Variants in PCDHA3 observed in about 807,000 individuals in gnomAD.
The protein encoded by PCDHA3 is protocadherin alpha-3.
Under a neutral mutation model 62.2 loss-of-function variants are expected in PCDHA3, and 41 were observed. The observed-to-expected ratio is 0.66, with a 90% CI of 0.51 to 0.86. The LOEUF (loss-of-function observed/expected upper bound fraction) is 0.86. Among genes scored for constraint, PCDHA3 ranks in the 40% least tolerant of loss-of-function variants. The probability of loss-of-function intolerance (pLI) is 0.00; values close to 1 mark genes in which losing one functional copy is unlikely to be tolerated. For synonymous variants in PCDHA3, 640 were observed against 555.4 expected (o/e 1.15, Z -2.14); for missense variants, 1,304 against 1,241.2 (o/e 1.05, Z -0.76).
intron 1 of PCDHA3, chr5:140,827,917 G>T: frequency 1.1e-6 from 1 of 901,262 alleles, no homozygotes; most frequent in East Asian, 2.4e-5. Context: ...TGATGTCGCT[G>T]TCTACCATGA....
chr5:140,873,030 C>T (rs251373), intron 1 of PCDHA3, among the ~76,000 whole-genome samples: 67,234 of 151,934 alleles, frequency 0.44, 15,336 homozygotes, highest in South Asian at 0.58. Context: ...TCTTACTACA[C>T]GTAGAGTGGT....
chr5:140,852,638 T>C lies in PCDHA3; in HGVS notation c.2394+49047T>C. 5 of 960,950 alleles carry C rather than the reference T, an allele frequency of 5.2e-6. 1 individual carries two copies. Among genetic ancestry groups the C allele is most frequent in the Non-Finnish European group, 6.3e-6 (5 of 795,190 alleles). The allele number at this position is 960,950 out of a possible 1,614,324, so 59.5% of individuals were successfully genotyped here. On this transcript the variant is annotated intron_variant, in intron 1 of 3. Coordinates refer to ENST00000522353, the MANE Select transcript of PCDHA3 (RefSeq NM_018906.3). ...TTGAGTGGTCTCTGAGCTCCTGTCA[T>C]TAAACCTATCTATATCTGTCTATCA...
At chr5:140,871,313 C>T (rs371295919) in intron 1 of PCDHA3, 2 of 1,614,042 alleles carry the variant, frequency 1.2e-6, no homozygotes, top group Non-Finnish European at 1.7e-6. Flanking sequence ...GGGAAGCCCA[C>T]GCTGGTGTGC....
chr5:140,957,188 C>A (rs374236292), intron 1 of PCDHA3, among the ~76,000 whole-genome samples: 1 of 151,992 alleles, frequency 6.6e-6, no homozygotes, highest in Middle Eastern at 3.4e-3. Flanking sequence ...TATTGATGAC[C>A]GATTGGGAAT....
At chr5:140,941,191 T>TTTTCTTTCTTTCTTTC (rs1217097209) in intron 1 of PCDHA3, among the ~76,000 whole-genome samples, 1 of 93,206 alleles carries the variant, frequency 1.1e-5, no homozygotes, top group Admixed American at 1.2e-4. Flanking sequence ...GCTTCTTTTT[T>TTTTCTTTCTTTCTTTC]TTTCTTTCTT....
intron 1 of PCDHA3, chr5:140,849,696 T>C (rs2150445431): frequency 6.3e-7 from 1 of 1,598,686 alleles, no homozygotes; most frequent in South Asian, 1.1e-5. Context: ...GGTGTCCACC[T>C]ACAAGAATTA....
In PCDHA3 at chr5:140,883,616, G is replaced by GACAAC; in HGVS notation, c.2394+80026_2394+80030dup. On this transcript the variant is annotated intron_variant, in intron 1 of 3. Coordinates refer to ENST00000522353, the MANE Select transcript of PCDHA3 (RefSeq NM_018906.3). ...GTCGGTGGGGGTGGCCGACGTGAAC[G>GACAAC]ACAACGCGCCGGCGTTCGCGCAGCC... The GACAAC allele has an allele frequency of 3.1e-6, 5 of 1,614,014 alleles. No homozygotes were observed. The South Asian group carries it at 5.5e-5, about 18-fold the overall frequency.
chr5:140,969,630 A>G (rs1185557414), intron 1 of PCDHA3: 1 of 654,766 alleles, frequency 1.5e-6, no homozygotes, highest in Non-Finnish European at 2.5e-6. Flanking sequence ...GAAACAGGAC[A>G]GGCCTTGGAA....
At chr5:140,920,084 T>C (rs2079442648) in intron 1 of PCDHA3, among the ~76,000 whole-genome samples, 1 of 152,196 alleles carries the variant, frequency 6.6e-6, no homozygotes, top group Non-Finnish European at 1.5e-5. Context: ...AGATTCTCCG[T>C]AGAGCCTCTA....
intron 1 of PCDHA3, among the ~76,000 whole-genome samples, chr5:140,959,620 G>GA (rs1247214459): frequency 4.6e-5 from 7 of 151,966 alleles, no homozygotes; most frequent in African/African-American, 1.4e-4. Context: ...GCTTGTGATA[G>GA]AAAAAAAGAG....
At chr5:140,858,160 G>T in intron 1 of PCDHA3, 1 of 1,597,718 alleles carries the variant, frequency 6.3e-7, no homozygotes, top group Non-Finnish European at 8.6e-7. Context: ...CCATCTGCGC[G>T]GTGTCCAGCT....
intron 1 of PCDHA3, chr5:140,807,073 C>T: frequency 8.4e-7 from 1 of 1,196,448 alleles, no homozygotes. Flanking sequence ...GAACCATATA[C>T]ACTCTTTGGA....
At chr5:140,901,340 T>G (rs1306421981) in intron 1 of PCDHA3, among the ~76,000 whole-genome samples, 1 of 152,206 alleles carries the variant, frequency 6.6e-6, no homozygotes, top group Non-Finnish European at 1.5e-5. Context: ...CGTTTTATAG[T>G]TTGATGTCTT....
intron 1 of PCDHA3, chr5:140,868,074 T>C (rs1554161742): frequency 6.6e-6 from 1 of 152,138 alleles, no homozygotes; most frequent in Non-Finnish European, 1.5e-5. Context: ...AGGGTGATTT[T>C]ATTTATTTTA....
In PCDHA3 at chr5:140,972,316, G is replaced by GT. The variant is rs112435719; in HGVS notation, c.2395-6621dup. On this transcript the variant is annotated intron_variant, in intron 1 of 3. Coordinates refer to ENST00000522353, the MANE Select transcript of PCDHA3 (RefSeq NM_018906.3). ...CACCGTGTCTGACTAGTTTTTAGGT[G>GT]TTTTTTTTTTTTGGAAGAGATGGGG... 6.7e-3 allele frequency among the ~76,000 whole-genome samples: 929 copies of GT among 139,652 alleles called. 6 individuals carry two copies. The highest frequency in any genetic ancestry group is 0.017 in the African/African-American group (645 of 38,294). The allele number at this position is 139,652 out of a possible 152,430, so 91.6% of individuals were successfully genotyped here.
intron 1 of PCDHA3, among the ~76,000 whole-genome samples, chr5:140,887,550 TACTG>T (rs2061493394): frequency 1.3e-5 from 2 of 152,206 alleles, no homozygotes; most frequent in Non-Finnish European, 2.9e-5. Flanking sequence ...CCCTCATGGT[TACTG>T]TTAAAACTTT....
At chr5:140,809,080 C>T in intron 1 of PCDHA3, 2 of 1,613,954 alleles carry the variant, frequency 1.2e-6, no homozygotes, top group Admixed American at 1.7e-5. Flanking sequence ...CTGGCGAGAT[C>T]AGCACAACGC....
At chr5:140,829,500 CG>C (rs1562307699) in intron 1 of PCDHA3, 1 of 1,613,600 alleles carries the variant, frequency 6.2e-7, no homozygotes, top group African/African-American at 1.3e-5. Context: ...AACAACCCGC[CG>C]GGCTGCCACA....
Position 140,881,345 on chromosome 5 carries a change from T to A in PCDHA3, c.2394+77754T>A, listed in dbSNP as rs2058675594. The A allele has an allele frequency of 4.1e-6, 4 of 985,136 alleles. No individual in the cohort carries two copies. In the African/African-American group the frequency reaches 7.0e-5, roughly 17 times the overall value. The allele number at this position is 985,136 out of a possible 1,614,324, so 61.0% of individuals were successfully genotyped here. A position where few individuals can be genotyped will look rare whatever the true frequency, so the allele number is the denominator to read the frequency against. On this transcript the variant is annotated intron_variant, in intron 1 of 3. Transcript: ENST00000522353. ...ATTTAACCAGGACGCCGATTCGGGC[T>A]ACAATGCGTGGCTTTCGTATGAATT... is the stretch of plus-strand genomic sequence containing the variant.
Sources: gnomAD v4.1 joint callset for allele counts (sites outside exome capture counted in the v4.1 genomes callset) on GRCh38, gnomAD v4.1.1 for gene constraint, MANE v1.5 for transcripts, NCBI Gene and HGNC (gene_info 2026-07-23, HGNC 2026-07-21) for gene names.